CEP170B: variants seen among roughly 807,000 people sequenced by gnomAD.
The protein encoded by CEP170B is centrosomal protein 170B.
In CEP170B, 55 loss-of-function variants were observed where a neutral mutation model predicts 120.6. The ratio of observed to expected loss-of-function variants is 0.46; its 90% CI spans 0.37 to 0.57. The LOEUF (loss-of-function observed/expected upper bound fraction) is 0.57. CEP170B is among the 20% of genes least tolerant of loss of function. The pLI, the probability that CEP170B is intolerant of heterozygous loss-of-function variation, is 0.00. For missense variants in CEP170B, 2,212 were observed against 2,253.3 expected, an observed-to-expected ratio of 0.98 and a Z score of 0.37; for synonymous variants, 1,033 against 954.5, an observed-to-expected ratio of 1.08 and a Z score of -1.52.
Position 104,886,814 on chromosome 14 carries a change from C to A in CEP170B, c.2575C>A (p.Pro859Thr), listed in dbSNP as rs1170552448. Residue 859 changes from proline to threonine, a missense_variant, in exon 12 of 19, where the codon CCT (proline) becomes ACT (threonine). Around this residue, in one of 2 missense-constraint regions of CEP170B, gnomAD observed 2,166 missense variants for 2,166.7 expected, o/e 1.00. Coordinates refer to ENST00000414716, the MANE Select transcript of CEP170B (RefSeq NM_001112726.3). ...RPGRSPEPDG[P>T]APAFLRQESF... ...TGGACGGTCCCCAGAACCCGACGGC[C>A]CTGCCCCAGCCTTTCTCCGGCAAGA... The A allele has an allele frequency of 3.1e-6, 5 of 1,611,342 alleles. No individual in the cohort carries two copies. Among genetic ancestry groups the A allele is most frequent in the Non-Finnish European group, 4.2e-6 (5 of 1,179,820 alleles).
rs1897030094 is a variant in CEP170B at position 104,895,288 on chromosome 14, TAAAGG to T, written c.*335_*339del. 3.4e-6 allele frequency: 1 copy of T among 297,174 alleles called. No homozygotes were observed. Among genetic ancestry groups the T allele is most frequent in the African/African-American group, 2.2e-5 (1 of 45,996 alleles). 18.4% of individuals were successfully genotyped at this position (297,174 alleles called of 1,614,324 possible). A position where few individuals can be genotyped will look rare whatever the true frequency, so the allele number is the denominator to read the frequency against. ...TCACTGTTATTTTTGTCTTTAGCTTTAAAGGAAAGAGTTGTTGGTGCCATTGCAGG... is the reference window on the plus strand; with the variant it reads ...TCACTGTTATTTTTGTCTTTAGCTTTAAAGAGTTGTTGGTGCCATTGCAGG... On this transcript the variant is annotated 3_prime_UTR_variant, in exon 19 of 19. Coordinates refer to ENST00000414716, the MANE Select transcript of CEP170B (RefSeq NM_001112726.3).
rs372830879 is a variant in CEP170B at position 104,890,972 on chromosome 14, G to GGTGT, written c.3878+1218_3878+1221dup. Among the ~76,000 whole-genome samples, 608 of 114,972 alleles carry GGTGT rather than the reference G, an allele frequency of 5.3e-3. 23 individuals are homozygous for GGTGT. Among genetic ancestry groups the GGTGT allele is most frequent in the African/African-American group, 0.021 (582 of 27,182 alleles). The allele number at this position is 114,972 out of a possible 152,430, so 75.4% of individuals were successfully genotyped here. ...GGGTGGGTGGATGGATGGGTGGGTGGGTGTGTGGATGGATGGGTGGGTGGG... is the reference window on the plus strand; with the variant it reads ...GGGTGGGTGGATGGATGGGTGGGTGGGTGTGTGTGTGGATGGATGGGTGGGTGGG... On this transcript the variant is annotated intron_variant, in intron 13 of 18. Transcript: ENST00000414716.
intron 2 of CEP170B, among the ~76,000 whole-genome samples, chr14:104,871,670 C>T (rs1015479475): frequency 3.3e-5 from 5 of 152,104 alleles, no homozygotes; most frequent in Admixed American, 6.5e-5. Flanking sequence ...GGGGACTGGG[C>T]GGTCAGCAGA....
chr14:104,895,141 CCCTGT>C lies in CEP170B; in HGVS notation c.*186_*190del, dbSNP rs1302639380. ...CAGCTCCCAGCCAGCACCCTACTCACCCTGTCCAGCCCCATGGCCACCCCCACCCC... is the reference window on the plus strand; with the variant it reads ...CAGCTCCCAGCCAGCACCCTACTCACCCAGCCCCATGGCCACCCCCACCCC... On this transcript the variant is annotated 3_prime_UTR_variant, in exon 19 of 19. Transcript: ENST00000414716. 1.6e-6 allele frequency: 1 copy of C among 639,108 alleles called. No homozygotes were observed. Among genetic ancestry groups the C allele is most frequent in the Non-Finnish European group, 2.6e-6 (1 of 391,562 alleles). The allele number at this position is 639,108 out of a possible 1,614,324, so 39.6% of individuals were successfully genotyped here. A position where few individuals can be genotyped will look rare whatever the true frequency, so the allele number is the denominator to read the frequency against.
rs1395722942 is a variant in CEP170B, at chr14:104,894,974, A to C, written c.*16A>C. ...CCTGATCTAGGCCCCAGACCTGGCC[A>C]GGCCAGCCTCCCTGTGCGTGTGCGT... is the stretch of plus-strand genomic sequence containing the variant. On this transcript the variant is annotated 3_prime_UTR_variant, in exon 19 of 19. Coordinates refer to ENST00000414716, the MANE Select transcript of CEP170B (RefSeq NM_001112726.3). The C allele has an allele frequency of 3.2e-6, 5 of 1,541,504 alleles. No individual in the cohort carries two copies. In the South Asian group the frequency reaches 6.1e-5, roughly 19 times the overall value.
At position 104,883,338 on chromosome 14, in the gene CEP170B, A is replaced by C. The variant is rs913182981; in HGVS notation, c.881A>C (p.Gln294Pro). 4 of 1,611,660 alleles carry C rather than the reference A, an allele frequency of 2.5e-6. No individual in the cohort carries two copies. Among genetic ancestry groups the C allele is most frequent in the Non-Finnish European group, 3.4e-6 (4 of 1,179,550 alleles). Reference protein sequence around the residue: ...KDHITKFSLRQRRPPGKEATP... With the variant: ...KDHITKFSLRPRRPPGKEATP... ...CATATCACCAAGTTTTCCCTGCGCC[A>C]GCGGCGGCCCCCGGGCAAGGAGGCC... The change falls in exon 8 of 19, where the codon CAG (glutamine) becomes CCG (proline). Residue 294 changes from glutamine (Q) to proline (P), a missense_variant. Transcript: ENST00000414716.
chr14:104,878,059 G>A, intron 4 of CEP170B, 96 bp downstream of exon 4: 1 of 1,017,660 alleles, frequency 9.8e-7, no homozygotes. Flanking sequence ...GTCACTGCTG[G>A]GGTTGCTGGG....
At chr14:104,883,803 A>G in intron 8 of CEP170B, 28 bp from the exon 9 acceptor site, 1 of 1,503,772 alleles carries the variant, frequency 6.6e-7, no homozygotes, top group South Asian at 1.3e-5. Context: ...TCTCGGCCTG[A>G]CAAGGTGGGG....
At chr14:104,881,933 C>T (rs200558464) in intron 6 of CEP170B, among the ~76,000 whole-genome samples, 1 of 152,136 alleles carries the variant, frequency 6.6e-6, no homozygotes, top group African/African-American at 2.4e-5. Context: ...GGTGACTGGC[C>T]CCAGACCCTC....
At chr14:104,890,925 A>ATGGAGAG in intron 13 of CEP170B, among the ~76,000 whole-genome samples, 1 of 81,932 alleles carries the variant, frequency 1.2e-5, no homozygotes, top group African/African-American at 4.9e-5. Context: ...GGATGGATGG[A>ATGGAGAG]TGAGTGGGTG....
At chr14:104,873,445 G>A (rs1193185495) in intron 2 of CEP170B, among the ~76,000 whole-genome samples, 2 of 152,094 alleles carry the variant, frequency 1.3e-5, no homozygotes, top group Admixed American at 1.3e-4. Flanking sequence ...GGAAGGTTTG[G>A]AGAGGCTTTG....
chr14:104,887,096 G>A lies in CEP170B; in HGVS notation c.2857G>A (p.Asp953Asn), dbSNP rs767903440. The A allele has an allele frequency of 1.6e-5, 26 of 1,611,288 alleles. No individual in the cohort carries two copies. Among genetic ancestry groups the A allele is most frequent in the Non-Finnish European group, 1.8e-5 (21 of 1,179,676 alleles). ...GCCGCCGGAGGACGCCCTGTCTGGG[G>A]ACTCGGACGTGGACACAGCCAGCAC... The part of the protein sequence containing the change: ...PRPPEDALSG[D>N]SDVDTASTVS... Residue 953 changes from aspartate to asparagine, a missense_variant, in exon 12 of 19, where the codon GAC (aspartate) becomes AAC (asparagine). Around this residue, in one of 2 missense-constraint regions of CEP170B, gnomAD observed 2,166 missense variants for 2,166.7 expected, o/e 1.00. Coordinates refer to ENST00000414716, the MANE Select transcript of CEP170B (RefSeq NM_001112726.3).
chr14:104,886,489 C>T lies in CEP170B; in HGVS notation c.2250C>T (p.Ala750=). 1 of 1,531,722 alleles carries T rather than the reference C, an allele frequency of 6.5e-7. No homozygotes were observed. The highest frequency in any genetic ancestry group is 8.8e-7 in the Non-Finnish European group (1 of 1,142,124). 94.9% of individuals were successfully genotyped at this position (1,531,722 alleles called of 1,614,324 possible). A position where few individuals can be genotyped will look rare whatever the true frequency, so the allele number is the denominator to read the frequency against. ...EELDPDSLSD[A]SGSDGGRGPE... is the part of the protein sequence containing the mutation. Reference sequence around the variant, plus strand: ...TGGATCCTGACAGCCTCAGCGATGCCAGTGGGTCGGACGGGGGCCGAGGCC... The same window carrying T: ...TGGATCCTGACAGCCTCAGCGATGCTAGTGGGTCGGACGGGGGCCGAGGCC... The change falls in exon 12 of 19, where the codon GCC becomes GCT. Residue 750 remains alanine, a synonymous_variant. Coordinates refer to ENST00000414716, the MANE Select transcript of CEP170B (RefSeq NM_001112726.3).
In CEP170B at chr14:104,886,339, G is replaced by T; in HGVS notation, c.2100G>T (p.Arg700=). The part of the protein sequence containing the change: ...EGSLPVRMRR[R]LPQLPSERAD... ...CCCTGCCTGTGCGCATGCGGCGACG[G>T]CTCCCTCAGCTGCCCAGTGAGAGGG... Residue 700 remains arginine (R), a synonymous_variant, in exon 12 of 19, where the codon CGG becomes CGT. Coordinates refer to ENST00000414716, the MANE Select transcript of CEP170B (RefSeq NM_001112726.3). The T allele has an allele frequency of 6.4e-7, 1 of 1,563,834 alleles. No homozygotes were observed.
chr14:104,885,878 G>A (rs1191254332), intron 10 of CEP170B, among the ~76,000 whole-genome samples, 162 bp from the exon 11 acceptor site: 1 of 152,226 alleles, frequency 6.6e-6, no homozygotes, highest in Non-Finnish European at 1.5e-5. Flanking sequence ...GGGATCCCTG[G>A]CTGCCTTTGC....
intron 13 of CEP170B, 70 bp from the exon 14 acceptor site, chr14:104,892,906 G>C: frequency 1.3e-6 from 2 of 1,506,934 alleles, no homozygotes; most frequent in Non-Finnish European, 1.8e-6. Context: ...GAGGGGCTTT[G>C]AGGCCTGTCT....
chr14:104,895,074 T>G lies in CEP170B; in HGVS notation c.*116T>G. 1.6e-6 allele frequency: 2 copies of G among 1,222,564 alleles called. No homozygotes were observed. Among genetic ancestry groups the G allele is most frequent in the Non-Finnish European group, 2.2e-6 (2 of 903,092 alleles). The allele number at this position is 1,222,564 out of a possible 1,614,324, so 75.7% of individuals were successfully genotyped here. A position where few individuals can be genotyped will look rare whatever the true frequency, so the allele number is the denominator to read the frequency against. On this transcript the variant is annotated 3_prime_UTR_variant, in exon 19 of 19. Coordinates refer to ENST00000414716, the MANE Select transcript of CEP170B (RefSeq NM_001112726.3). ...TCCCTGAAGACCCCCACATGTGCCA[T>G]ATCCCTGTGGGCGGGTGCCTCCCAC...
intron 16 of CEP170B, 143 bp from the exon 17 acceptor site, chr14:104,894,142 T>C: frequency 1.4e-6 from 1 of 699,784 alleles, no homozygotes; most frequent in Middle Eastern, 2.4e-4. Context: ...GTGCCCTTCA[T>C]GCATCAGGCC....
rs5811157 is a variant in CEP170B at position 104,872,489 on chromosome 14, C to CGT, written c.106-3757_106-3756dup. Among the ~76,000 whole-genome samples, 2 of 76,656 alleles carry CGT rather than the reference C, an allele frequency of 2.6e-5. 1 individual carries two copies. The highest frequency in any genetic ancestry group is 7.3e-5 in the Non-Finnish European group (2 of 27,416). 50.3% of individuals were successfully genotyped at this position (76,656 alleles called of 152,430 possible). ...GTGTGCCGTGTGTGTGCGTGTGTGC[C>CGT]GTGTGTGTGTGCGTGTGTAAGTGTG... On this transcript the variant is annotated intron_variant, in intron 2 of 18. Coordinates refer to ENST00000414716, the MANE Select transcript of CEP170B (RefSeq NM_001112726.3).
Sources: gnomAD v4.1 joint callset for allele counts (sites outside exome capture counted in the v4.1 genomes callset) on GRCh38, gnomAD v4.1.1 for gene constraint, gnomAD v4.1.1 regional missense constraint, MANE v1.5 for transcripts, NCBI Gene and HGNC (gene_info 2026-07-23, HGNC 2026-07-21) for gene names.